The following FCHSD1 variants were observed in gnomAD, a reference collection of about 807,000 sequenced individuals.
FCHSD1 encodes the protein F-BAR and double SH3 domains protein 1.
A neutral mutation model predicts 101.3 loss-of-function variants in FCHSD1; 109 were observed. The observed-to-expected ratio is 1.08, with a 90% CI of 0.92 to 1.26. The LOEUF is 1.26. Ranked by LOEUF, FCHSD1 falls within the 50% of genes most tolerant of loss-of-function variation. The pLI is 0.00. For missense variants in FCHSD1, 820 were observed against 895.8 expected (o/e 0.92, Z 1.08); for synonymous variants, 291 against 356.8 (o/e 0.82, Z 2.08).
In FCHSD1 at chr5:141,640,051, C is replaced by A. The variant is rs2099906657; in HGVS notation, c.*1447G>T. 6.2e-7 allele frequency: 1 copy of A among 1,613,446 alleles called. No homozygotes were observed. The highest frequency in any genetic ancestry group is 2.2e-5 in the East Asian group (1 of 44,870). ...GGTCAGGGGTCTGGGGGAGGGCAGC[C>A]CAAGGCAGGGATGCCTGCCATGGAG... On this transcript the variant is annotated 3_prime_UTR_variant, in exon 20 of 20. Coordinates refer to ENST00000435817, the MANE Select transcript of FCHSD1 (RefSeq NM_033449.3).
intron 8 of FCHSD1, 152 bp from the exon 9 acceptor site, chr5:141,647,672 T>C: frequency 8.0e-7 from 1 of 1,251,786 alleles, no homozygotes; most frequent in Admixed American, 2.8e-5. Context: ...TGCAGAGCAC[T>C]TAGAAGTTTA....
Position 141,644,840 on chromosome 5 carries a change from C to T in FCHSD1, c.1524+19G>A. On this transcript the variant is annotated intron_variant, in intron 15 of 19. Transcript: ENST00000435817. ...TACTGCCCCCAACCCAAGGTCAGAG[C>T]CCGGGGTCCCATACCCACCTTGACC... The T allele has an allele frequency of 6.2e-7, 1 of 1,612,262 alleles. No individual in the cohort carries two copies. Among genetic ancestry groups the T allele is most frequent in the South Asian group, 1.1e-5 (1 of 90,764 alleles).
chr5:141,647,470 C>CA lies in FCHSD1; in HGVS notation c.755dup (p.Ser253GlufsTer4), dbSNP rs2154598440. The CA allele has an allele frequency of 6.2e-7, 1 of 1,612,276 alleles. No homozygotes were observed. Among genetic ancestry groups the CA allele is most frequent in the African/African-American group, 1.3e-5 (1 of 74,904 alleles). ...CTGCGGCTTCCAGCTCAGTGTGGCT[C>CA]AGGGAGGTCAGGGGGTCCCTCAAGT... On this transcript the variant is annotated frameshift_variant, in exon 9 of 20. Coordinates refer to ENST00000435817, the MANE Select transcript of FCHSD1 (RefSeq NM_033449.3). LOFTEE classifies it high-confidence loss of function.
chr5:141,639,827 T>C lies in FCHSD1; in HGVS notation c.*1671A>G. On this transcript the variant is annotated 3_prime_UTR_variant, in exon 20 of 20. Coordinates refer to ENST00000435817, the MANE Select transcript of FCHSD1 (RefSeq NM_033449.3). This position sits in a 1 kb window ranked among gnomAD's most constrained non-coding sequence, Gnocchi z 4.4. ...TCCCCTACCTTAGGCCAGAGGGAAG[T>C]AGCCACCAAACTCAGGATGTCCCTG... is the stretch of plus-strand genomic sequence containing the variant. 1 of 1,420,526 alleles carries C rather than the reference T, an allele frequency of 7.0e-7. No individual in the cohort carries two copies. Among genetic ancestry groups the C allele is most frequent in the Non-Finnish European group, 9.9e-7 (1 of 1,014,884 alleles). 88.0% of individuals were successfully genotyped at this position (1,420,526 alleles called of 1,614,324 possible).
At position 141,648,986 on chromosome 5, in the gene FCHSD1, G is replaced by A. The variant is rs574188306; in HGVS notation, c.547C>T (p.Arg183Trp). The change falls in exon 7 of 20, where the codon CGG becomes TGG. Residue 183 changes from arginine to tryptophan, a missense_variant. By Grantham distance (101) the Arg-to-Trp change is moderately radical (BLOSUM62 -3). Transcript: ENST00000435817. ...NRSDHGIFHS[R>W]TSLQKLSTKL... The stretch of plus-strand genomic sequence containing the variant: ...GTGCTCAGTTTCTGGAGACTGGTCC[G>A]AGAGTGGAAGATCCCATGGTCACTT... The A allele has an allele frequency of 6.3e-5, 101 of 1,613,920 alleles. No individual in the cohort carries two copies. In the East Asian group the frequency reaches 7.1e-4, roughly 11 times the overall value.
chr5:141,643,575 C>T (rs958167973), intron 17 of FCHSD1, among the ~76,000 whole-genome samples: 8 of 152,178 alleles, frequency 5.3e-5, no homozygotes, highest in Non-Finnish European at 1.0e-4. Context: ...CTCGGCGGGG[C>T]GCAGTGGCTC....
In FCHSD1 at chr5:141,650,364, C is replaced by G; in HGVS notation, c.160G>C (p.Gly54Arg). 6.2e-7 allele frequency: 1 copy of G among 1,613,924 alleles called. No homozygotes were observed. The highest frequency in any genetic ancestry group is 8.5e-7 in the Non-Finnish European group (1 of 1,179,876). Residue 54 changes from glycine to arginine, a missense_variant, in exon 3 of 20, where the codon GGG (glycine) becomes CGG (arginine). By Grantham distance (125) the Gly-to-Arg change is moderately radical. Coordinates refer to ENST00000435817, the MANE Select transcript of FCHSD1 (RefSeq NM_033449.3). ...TCCAGAGAAAAGTCCCATACCTGCC[C>G]ATACTCCCGTTCAATGGCTGCCCTC... ...KQRAAIEREYGQALQKLAGPF... is the reference protein window; with the variant it reads ...KQRAAIEREYRQALQKLAGPF...
chr5:141,646,543 TC>T, intron 11 of FCHSD1, 59 bp downstream of exon 11: 1 of 1,552,704 alleles, frequency 6.4e-7, no homozygotes, highest in South Asian at 1.2e-5. Context: ...AGATCCCCTC[TC>T]TCAGCTCTTC....
At chr5:141,643,209 T>G (rs1473700203) in intron 17 of FCHSD1, 121 bp from the exon 18 acceptor site, 1 of 636,470 alleles carries the variant, frequency 1.6e-6, no homozygotes, top group Admixed American at 4.0e-5. Flanking sequence ...GGCCAAATGC[T>G]TGCATTCGGT....
In FCHSD1 at chr5:141,651,337, G is replaced by GA; in HGVS notation, c.21+10_21+11insT. ...AGCCCGCCAGGAGTCCCCATTCAGG[G>GA]CCAAGCTCACTTTTCGGGGCGGCGG... On this transcript the variant is annotated intron_variant, in intron 1 of 19. Coordinates refer to ENST00000435817, the MANE Select transcript of FCHSD1 (RefSeq NM_033449.3). 6.4e-7 allele frequency: 1 copy of GA among 1,553,878 alleles called. No individual in the cohort carries two copies. Among genetic ancestry groups the GA allele is most frequent in the Non-Finnish European group, 8.7e-7 (1 of 1,148,312 alleles).
chr5:141,642,807 G>A (rs1408505113), intron 18 of FCHSD1, 194 bp downstream of exon 18: 12 of 576,900 alleles, frequency 2.1e-5, no homozygotes, highest in Admixed American at 7.0e-5. Context: ...GACAGGTTCA[G>A]AATCCCACCA....
Position 141,649,588 on chromosome 5 carries a change from G to A in FCHSD1, c.234-52C>T. The A allele has an allele frequency of 6.3e-7, 1 of 1,576,152 alleles. No homozygotes were observed. The highest frequency in any genetic ancestry group is 8.6e-7 in the Non-Finnish European group (1 of 1,163,004). ...AGGAGAGCACTCCACAGCTTCATGA[G>A]ACCACCCCCACCCCCTGCCCCCTGA... On this transcript the variant is annotated intron_variant, in intron 4 of 19. Coordinates refer to ENST00000435817, the MANE Select transcript of FCHSD1 (RefSeq NM_033449.3). This position sits in a 1 kb window ranked among gnomAD's most constrained non-coding sequence, Gnocchi z 4.1.
At position 141,640,792 on chromosome 5, in the gene FCHSD1, G is replaced by A. The variant is rs1210993510; in HGVS notation, c.*706C>T. The A allele has an allele frequency of 1.2e-5, 11 of 936,956 alleles. No homozygotes were observed. The highest frequency in any genetic ancestry group is 2.9e-4 in the Middle Eastern group (1 of 3,472). 58.0% of individuals were successfully genotyped at this position (936,956 alleles called of 1,614,324 possible). A position where few individuals can be genotyped will look rare whatever the true frequency, so the allele number is the denominator to read the frequency against. On this transcript the variant is annotated 3_prime_UTR_variant, in exon 20 of 20. Coordinates refer to ENST00000435817, the MANE Select transcript of FCHSD1 (RefSeq NM_033449.3). ...TGAGGGACCAGCTCTACTTCCACCTGGAGTTGCACAGTCTCAGGCTGGGGG... is the reference window on the plus strand; with the variant it reads ...TGAGGGACCAGCTCTACTTCCACCTAGAGTTGCACAGTCTCAGGCTGGGGG...
In FCHSD1 at chr5:141,645,801, A is replaced by T; in HGVS notation, c.1281T>A (p.Ala427=). The change falls in exon 13 of 20, where the codon GCT becomes GCA. Residue 427 remains alanine, a synonymous_variant. Coordinates refer to ENST00000435817, the MANE Select transcript of FCHSD1 (RefSeq NM_033449.3). ...GAGAGAGGTCCCTCTGGGACAGCCG[A>T]GCCTCACTGAGCCGCCGCTCCTGCT... ...EVEQERRLSE[A]RLSQRDLSPT... The T allele has an allele frequency of 1.2e-6, 2 of 1,610,164 alleles. No homozygotes were observed. Among genetic ancestry groups the T allele is most frequent in the South Asian group, 1.1e-5 (1 of 90,388 alleles).
At position 141,640,333 on chromosome 5, in the gene FCHSD1, C is replaced by T. The variant is rs1179536130; in HGVS notation, c.*1165G>A. On this transcript the variant is annotated 3_prime_UTR_variant, in exon 20 of 20. Transcript: ENST00000435817. Reference sequence around the variant, plus strand: ...AGCCGGGACTGCACTGGGCTGGGCTCTTATTGCTCTCTACTCTGGGGGGCA... The same window carrying T: ...AGCCGGGACTGCACTGGGCTGGGCTTTTATTGCTCTCTACTCTGGGGGGCA... 1.2e-6 allele frequency: 2 copies of T among 1,613,894 alleles called. No individual in the cohort carries two copies. Among genetic ancestry groups the T allele is most frequent in the African/African-American group, 1.3e-5 (1 of 74,912 alleles).
Position 141,639,357 on chromosome 5 carries a change from A to G in FCHSD1, c.*2141T>C. ...AGACAAGAAAAAATGGGGCTTGGGG[A>G]AATTGGGGCTTCTGGGGTTTTAAGG... On this transcript the variant is annotated 3_prime_UTR_variant, in exon 20 of 20. Transcript: ENST00000435817. This position sits in a 1 kb window ranked among gnomAD's most constrained non-coding sequence, Gnocchi z 4.4. The G allele has an allele frequency of 1.1e-6, 1 of 877,052 alleles. No individual in the cohort carries two copies. The allele number at this position is 877,052 out of a possible 1,614,324, so 54.3% of individuals were successfully genotyped here. A position where few individuals can be genotyped will look rare whatever the true frequency, so the allele number is the denominator to read the frequency against.
chr5:141,648,925 C>T, intron 7 of FCHSD1, 32 bp downstream of exon 7: 1 of 1,613,172 alleles, frequency 6.2e-7, no homozygotes, highest in Non-Finnish European at 8.5e-7. Flanking sequence ...CTCCCTCTTC[C>T]CTGCCCCCAC....
rs1383718316 is a variant in FCHSD1, at chr5:141,649,946, C to T, written c.174G>A (p.Gln58=). The change falls in exon 4 of 20, where the codon CAG becomes CAA. Residue 58 remains glutamine, a synonymous_variant. Coordinates refer to ENST00000435817, the MANE Select transcript of FCHSD1 (RefSeq NM_033449.3). This position sits in a 1 kb window ranked among gnomAD's most constrained non-coding sequence, Gnocchi z 4.1. ...AIEREYGQAL[Q]KLAGPFLKRE... The stretch of plus-strand genomic sequence containing the variant: ...TCTTCAGGAATGGGCCAGCCAGTTT[C>T]TGGAGTGCCTGGTGAAAAAGCCATC... 5 of 1,543,810 alleles carry T rather than the reference C, an allele frequency of 3.2e-6. No individual in the cohort carries two copies. Among genetic ancestry groups the T allele is most frequent in the Non-Finnish European group, 4.4e-6 (5 of 1,146,078 alleles).
intron 3 of FCHSD1, 60 bp downstream of exon 3, chr5:141,650,299 A>C: frequency 6.2e-7 from 1 of 1,605,910 alleles, no homozygotes; most frequent in Non-Finnish European, 8.5e-7. Context: ...ATGGACAGAC[A>C]TTACTGGTGA....
Sources: allele counts gnomAD v4.1 joint callset (sites outside exome capture counted in the v4.1 genomes callset), GRCh38; gene constraint gnomAD v4.1.1; non-coding constraint Gnocchi (gnomAD v3.1); transcripts MANE v1.5; gene names NCBI Gene and HGNC (gene_info 2026-07-23, HGNC 2026-07-21).